The following FOXN3 variants were observed in gnomAD, a reference collection of about 807,000 sequenced individuals.
FOXN3 encodes forkhead box protein N3.
FOXN3 carries 7 observed loss-of-function variants against 38.4 expected under a neutral mutation model. That is an observed-to-expected ratio of 0.18 (90% CI 0.10 to 0.34). FOXN3 has a LOEUF of 0.34. Among genes scored for constraint, FOXN3 ranks in the 10% least tolerant of loss-of-function variants. The pLI, the probability that FOXN3 is intolerant of heterozygous loss-of-function variation, is 1.00. For missense variants in FOXN3, 456 were observed against 613.4 expected, an observed-to-expected ratio of 0.74 and a Z score of 2.71; for synonymous variants, 230 against 242.2, an observed-to-expected ratio of 0.95 and a Z score of 0.47.
intron 3 of FOXN3, among the ~76,000 whole-genome samples, chr14:89,312,884 C>T (rs1475468032): frequency 6.6e-6 from 1 of 152,172 alleles, no homozygotes; most frequent in Non-Finnish European, 1.5e-5. Context: ...CCCCCACTAC[C>T]GACTGCCCTG....
At chr14:89,511,696 T>C (rs1354696722) in intron 1 of FOXN3, among the ~76,000 whole-genome samples, 1 of 152,148 alleles carries the variant, frequency 6.6e-6, no homozygotes, top group East Asian at 1.9e-4. Context: ...TATTAGTCCA[T>C]TCTCACACTG....
At chr14:89,511,665 G>C (rs971245161) in intron 1 of FOXN3, among the ~76,000 whole-genome samples, 1 of 152,112 alleles carries the variant, frequency 6.6e-6, no homozygotes, top group African/African-American at 2.4e-5. Context: ...GGTCTTTGCA[G>C]TCCTGATATG....
chr14:89,513,649 C>G (rs930733402), intron 1 of FOXN3, among the ~76,000 whole-genome samples: 1 of 152,096 alleles, frequency 6.6e-6, no homozygotes, highest in African/African-American at 2.4e-5. Context: ...GGCTGGAGTG[C>G]AATGGCACGA....
chr14:89,419,834 A>T, upstream of FOXN3: 1 of 152,228 alleles, frequency 6.6e-6, no homozygotes, highest in East Asian at 1.9e-4. Context: ...CTATTTATGG[A>T]ATAGTTAAGT....
intron 4 of FOXN3, among the ~76,000 whole-genome samples, chr14:89,235,495 A>G (rs779240566): frequency 3.9e-5 from 6 of 152,148 alleles, no homozygotes; most frequent in African/African-American, 7.2e-5. Flanking sequence ...GGTCTTTGGA[A>G]CTGTGAAATG....
intron 3 of FOXN3, among the ~76,000 whole-genome samples, chr14:89,316,058 C>T (rs969290139): frequency 2.0e-5 from 3 of 152,178 alleles, no homozygotes; most frequent in East Asian, 1.9e-4. Context: ...CTGTGGTCCC[C>T]GCCAAAAGGA....
rs1484401808 is a variant in FOXN3, at chr14:89,162,837, G to A, written c.984C>T (p.Pro328=). Residue 328 remains proline, a synonymous_variant, in exon 6 of 6, where the codon CCC becomes CCT. Transcript: ENST00000557258. The surrounding 1 kb of genome is among the most constrained non-coding windows in gnomAD (Gnocchi z 7.2). ...AGGAGGAGGAGATGGAGTCGCTGGT[G>A]GGCGAGGTGCTCCGGGCGTTGGAGG... ...AKSSNARSTS[P]TSDSISSSSS... 20 of 1,611,814 alleles carry A rather than the reference G, an allele frequency of 1.2e-5. No homozygotes were observed. Among genetic ancestry groups the A allele is most frequent in the Non-Finnish European group, 1.7e-5 (20 of 1,179,972 alleles).
chr14:89,586,124 A>G (rs1211160188), intron 1 of FOXN3, among the ~76,000 whole-genome samples: 1 of 152,056 alleles, frequency 6.6e-6, no homozygotes, highest in Admixed American at 6.6e-5. Flanking sequence ...TCAGCTTGGT[A>G]TCTTCCCTCT....
At chr14:89,293,309 C>T (rs1450788994) in intron 3 of FOXN3, among the ~76,000 whole-genome samples, 1 of 152,204 alleles carries the variant, frequency 6.6e-6, no homozygotes, top group Non-Finnish European at 1.5e-5. Flanking sequence ...TTATCAGTGT[C>T]TATTCGTTTG....
chr14:89,340,580 A>G lies in FOXN3; in HGVS notation c.680+10092T>C, dbSNP rs568551030. Among the ~76,000 whole-genome samples the G allele has an allele frequency of 2.6e-5, 4 of 152,334 alleles. No homozygotes were observed. In the South Asian group the frequency reaches 8.3e-4, roughly 32 times the overall value. ...ATGTAAGAAAAACAAAAGGTTATGAATGTGATCAGAGACTCTGGCCAAGAA... is the reference window on the plus strand; with the variant it reads ...ATGTAAGAAAAACAAAAGGTTATGAGTGTGATCAGAGACTCTGGCCAAGAA... On this transcript the variant is annotated intron_variant, in intron 3 of 5. Coordinates refer to ENST00000557258, the MANE Select transcript of FOXN3 (RefSeq NM_005197.4).
At chr14:89,344,835 T>C (rs574266749) in intron 3 of FOXN3, among the ~76,000 whole-genome samples, 3 of 152,322 alleles carry the variant, frequency 2.0e-5, no homozygotes, top group African/African-American at 7.2e-5. Flanking sequence ...CAATGTCTAC[T>C]GGAAACATTA....
chr14:89,457,430 G>A (rs906391169), intron 1 of FOXN3, among the ~76,000 whole-genome samples: 14 of 152,160 alleles, frequency 9.2e-5, no homozygotes, highest in East Asian at 1.9e-4. Flanking sequence ...ATGGAACCCG[G>A]AGCCTAATGC....
At chr14:89,181,842 G>T (rs1887682019) in intron 4 of FOXN3, among the ~76,000 whole-genome samples, 1 of 152,182 alleles carries the variant, frequency 6.6e-6, no homozygotes, top group African/African-American at 2.4e-5. Flanking sequence ...ACGTCTGAGG[G>T]GCAGGGGAGC....
intron 2 of FOXN3, among the ~76,000 whole-genome samples, chr14:89,357,466 G>A (rs1889278013): frequency 6.6e-6 from 1 of 152,022 alleles, no homozygotes; most frequent in Admixed American, 6.5e-5. Context: ...AAATTAGCCG[G>A]GCACGGTGGC....
intron 1 of FOXN3, among the ~76,000 whole-genome samples, chr14:89,414,204 C>G (rs1452896464): frequency 1.3e-5 from 2 of 152,118 alleles, no homozygotes; most frequent in South Asian, 4.2e-4. Context: ...GTAGTCCCAG[C>G]TACTTGGGAG....
chr14:89,331,201 C>T (rs1888236639), intron 3 of FOXN3, among the ~76,000 whole-genome samples: 1 of 152,210 alleles, frequency 6.6e-6, no homozygotes, highest in Non-Finnish European at 1.5e-5. Flanking sequence ...ATACTAACTC[C>T]CCATTCCCAC....
chr14:89,491,141 GTT>G (rs33971170), intron 1 of FOXN3, among the ~76,000 whole-genome samples: 510 of 145,538 alleles, frequency 3.5e-3, no homozygotes, highest in African/African-American at 0.012. Context: ...TTTGTTTTTT[GTT>G]TTTTTTTTTT....
intron 1 of FOXN3, among the ~76,000 whole-genome samples, chr14:89,518,940 G>A (rs1372524861): frequency 6.6e-6 from 1 of 152,108 alleles, no homozygotes; most frequent in East Asian, 1.9e-4. Flanking sequence ...GCTTGAGCCC[G>A]GGAGGTGGAG....
At chr14:89,555,868 T>TGTGTGTGTGTGTGTGGGGGG (rs1895106940) in intron 1 of FOXN3, among the ~76,000 whole-genome samples, 1 of 120,336 alleles carries the variant, frequency 8.3e-6, no homozygotes, top group Non-Finnish European at 1.8e-5. Flanking sequence ...TGTGTGTGTG[T>TGTGTGTGTGTGTGTGGGGGG]GTGTGTGTAT....
Sources: gnomAD v4.1 joint callset for allele counts (sites outside exome capture counted in the v4.1 genomes callset) on GRCh38, gnomAD v4.1.1 for gene constraint, Gnocchi (gnomAD v3.1) non-coding constraint, MANE v1.5 for transcripts, NCBI Gene and HGNC (gene_info 2026-07-23, HGNC 2026-07-21) for gene names.